The following VPS13B variants were observed in gnomAD, a reference collection of about 807,000 sequenced individuals.
The protein encoded by VPS13B is intermembrane lipid transfer protein VPS13B.
VPS13B carries 285 observed loss-of-function variants against 426.4 expected under a neutral mutation model. The ratio of observed to expected loss-of-function variants is 0.67; its 90% CI spans 0.61 to 0.74. The LOEUF (loss-of-function observed/expected upper bound fraction) is 0.74, where lower values mean the gene tolerates loss of function less well. Ranked by LOEUF, VPS13B falls within the 30% of genes least tolerant of loss-of-function variation. The pLI is 0.00. For synonymous variants in VPS13B, 1,676 were observed against 1,676.4 expected (o/e 1.00, Z 0.01); for missense variants, 4,537 against 4,782.6 (o/e 0.95, Z 1.51).
At position 99,474,183 on chromosome 8, in the gene VPS13B, A is replaced by ATTTTTTTTTTTTTTTTTTT. The variant is rs34752686; in HGVS notation, c.3666+6551_3666+6569dup. Among the ~76,000 whole-genome samples the ATTTTTTTTTTTTTTTTTTT allele has an allele frequency of 1.4e-3, 169 of 124,934 alleles. 8 individuals are homozygous for ATTTTTTTTTTTTTTTTTTT. Among genetic ancestry groups the ATTTTTTTTTTTTTTTTTTT allele is most frequent in the Middle Eastern group, 4.2e-3 (1 of 240 alleles). 82.0% of individuals were successfully genotyped at this position (124,934 alleles called of 152,430 possible). A position where few individuals can be genotyped will look rare whatever the true frequency, so the allele number is the denominator to read the frequency against. On this transcript the variant is annotated intron_variant, in intron 24 of 61. Transcript: ENST00000357162. ...TCTTCAAACAATGGACTGTTATCCA[A>ATTTTTTTTTTTTTTTTTTT]TTTTTTTTTTTTTTTTTTTTGTGGA...
At chr8:99,154,294 C>G (rs927318007) in intron 14 of VPS13B, among the ~76,000 whole-genome samples, 3 of 151,456 alleles carry the variant, frequency 2.0e-5, no homozygotes, top group Non-Finnish European at 4.4e-5. Flanking sequence ...TCTGTCTTTT[C>G]TTCTCTTGTG....
At chr8:99,177,428 T>C (rs1812694833) in intron 16 of VPS13B, among the ~76,000 whole-genome samples, 1 of 152,236 alleles carries the variant, frequency 6.6e-6, no homozygotes, top group South Asian at 2.1e-4. Context: ...AAACATGGCC[T>C]ATGTGTATGA....
Position 99,339,087 on chromosome 8 carries a change from G to A in VPS13B, c.2825-45121G>A, listed in dbSNP as rs924519779. Among the ~76,000 whole-genome samples, 5 of 152,032 alleles carry A rather than the reference G, an allele frequency of 3.3e-5. No homozygotes were observed. The East Asian group carries it at 9.6e-4, about 29-fold the overall frequency. On this transcript the variant is annotated intron_variant, in intron 19 of 61. Transcript: ENST00000357162. ...CTGTAAATACTTTTAGTATACATAT[G>A]TATGCACATATATATGTATCATTTT...
chr8:99,436,212 T>C (rs979195347), intron 22 of VPS13B, among the ~76,000 whole-genome samples: 4 of 152,202 alleles, frequency 2.6e-5, no homozygotes, highest in Non-Finnish European at 5.9e-5. Flanking sequence ...TGCTTATTTG[T>C]AGTATAAAAT....
intron 19 of VPS13B, among the ~76,000 whole-genome samples, chr8:99,305,795 A>T (rs527806994): frequency 6.6e-6 from 1 of 152,210 alleles, no homozygotes; most frequent in Non-Finnish European, 1.5e-5. Flanking sequence ...TATTATCAAG[A>T]GGCAAAAATA....
In VPS13B at chr8:99,556,617, C is replaced by T; in HGVS notation, c.4913C>T (p.Ser1638Phe). The T allele has an allele frequency of 6.2e-7, 1 of 1,613,072 alleles. No individual in the cohort carries two copies. The highest frequency in any genetic ancestry group is 8.5e-7 in the Non-Finnish European group (1 of 1,179,436). The change falls in exon 31 of 62, where the codon TCT (serine) becomes TTT (phenylalanine). Residue 1638 changes from serine to phenylalanine, a missense_variant. Ser to Phe is a radical substitution (Grantham distance 155). Coordinates refer to ENST00000357162, the MANE Select transcript of VPS13B (RefSeq NM_152564.5). ...GTGGTAACAGAGACTGAAAGGAATT[C>T]TCAAAATCCAGCCCTTGAGTGGAAT... Reference protein sequence around the residue: ...GGVVTETERNSQNPALEWNMA... With the variant: ...GGVVTETERNFQNPALEWNMA...
At chr8:99,767,702 G>T (rs1347525431) in intron 40 of VPS13B, among the ~76,000 whole-genome samples, 4 of 152,164 alleles carry the variant, frequency 2.6e-5, no homozygotes, top group African/African-American at 9.7e-5. Context: ...GCTAAGGCGG[G>T]TAGACTGCTT....
chr8:99,145,475 TC>T (rs1810658497), intron 13 of VPS13B, among the ~76,000 whole-genome samples: 1 of 152,052 alleles, frequency 6.6e-6, no homozygotes, highest in South Asian at 2.1e-4. Context: ...TTCTCCTCCC[TC>T]TTTTCCAGGG....
chr8:99,701,115 A>C (rs1832261287), intron 36 of VPS13B, among the ~76,000 whole-genome samples: 2 of 152,212 alleles, frequency 1.3e-5, no homozygotes, highest in Non-Finnish European at 2.9e-5. Context: ...TAGATGATTT[A>C]TTTCTTTCTC....
chr8:99,573,616 A>G (rs898558662), intron 31 of VPS13B, among the ~76,000 whole-genome samples: 39 of 151,964 alleles, frequency 2.6e-4, no homozygotes, highest in African/African-American at 7.2e-4. Context: ...TTGTAGATAC[A>G]CTGCATTATT....
intron 12 of VPS13B, among the ~76,000 whole-genome samples, chr8:99,139,386 C>T (rs888775778): frequency 6.6e-6 from 1 of 151,574 alleles, no homozygotes. Context: ...TTGAACCCAA[C>T]CTATCCAGCT....
At chr8:99,337,289 C>T (rs1031866614) in intron 19 of VPS13B, among the ~76,000 whole-genome samples, 14 of 145,294 alleles carry the variant, frequency 9.6e-5, no homozygotes, top group Admixed American at 2.2e-4. Flanking sequence ...CGCATATTCT[C>T]ACTCATAGGT....
intron 55 of VPS13B, among the ~76,000 whole-genome samples, chr8:99,853,054 G>A (rs1816373446): frequency 3.3e-5 from 5 of 152,120 alleles, no homozygotes; most frequent in Admixed American, 3.3e-4. Context: ...GTTGTGGCAG[G>A]AATTCCTGCT....
chr8:99,031,794 T>C (rs1207155432), intron 2 of VPS13B, among the ~76,000 whole-genome samples: 1 of 152,176 alleles, frequency 6.6e-6, no homozygotes, highest in Non-Finnish European at 1.5e-5. Context: ...TGGCTGCTAT[T>C]TCTCAGCTGC....
intron 27 of VPS13B, among the ~76,000 whole-genome samples, chr8:99,504,528 C>A (rs1221680397): frequency 6.6e-6 from 1 of 152,124 alleles, no homozygotes; most frequent in African/African-American, 2.4e-5. Flanking sequence ...TCCATTGGAA[C>A]TCTTCAGTGA....
At chr8:99,700,433 C>T (rs1832218851) in intron 36 of VPS13B, among the ~76,000 whole-genome samples, 1 of 152,228 alleles carries the variant, frequency 6.6e-6, no homozygotes, top group Non-Finnish European at 1.5e-5. Context: ...AGCATTAAGT[C>T]ACTGGTAACC....
At chr8:99,727,021 A>G (rs188537925) in intron 39 of VPS13B, among the ~76,000 whole-genome samples, 27 of 152,350 alleles carry the variant, frequency 1.8e-4, no homozygotes, top group Admixed American at 1.2e-3. Flanking sequence ...CTTTACATAC[A>G]TAATAACTCA....
At chr8:99,851,166 A>T (rs1246681934) in intron 55 of VPS13B, among the ~76,000 whole-genome samples, 1 of 152,240 alleles carries the variant, frequency 6.6e-6, no homozygotes, top group African/African-American at 2.4e-5. Flanking sequence ...GAAACATTTT[A>T]TCTAGGGCAT....
intron 22 of VPS13B, among the ~76,000 whole-genome samples, chr8:99,433,792 C>T (rs1817235715): frequency 6.6e-6 from 1 of 151,822 alleles, no homozygotes; most frequent in African/African-American, 2.4e-5. Flanking sequence ...CTTCATTTTC[C>T]AGTTAACTTT....
Sources: allele counts gnomAD v4.1 joint callset (sites outside exome capture counted in the v4.1 genomes callset), GRCh38; gene constraint gnomAD v4.1.1; transcripts MANE v1.5; gene names NCBI Gene and HGNC (gene_info 2026-07-23, HGNC 2026-07-21).